The following PTPRD variants were observed in gnomAD, a reference collection of about 807,000 sequenced individuals.
PTPRD encodes the protein receptor-type tyrosine-protein phosphatase delta.
PTPRD carries 34 observed loss-of-function variants against 214.5 expected under a neutral mutation model. The ratio of observed to expected loss-of-function variants is 0.16; its 90% CI spans 0.12 to 0.21. PTPRD has a LOEUF of 0.21. Ranked by LOEUF, PTPRD falls within the 10% of genes least tolerant of loss-of-function variation. PTPRD has a pLI of 1.00. For missense variants in PTPRD, 2,545 were observed against 2,398.7 expected, an observed-to-expected ratio of 1.06 and a Z score of -1.27; for synonymous variants, 1,128 against 845.7, an observed-to-expected ratio of 1.33 and a Z score of -5.79.
At chr9:8,463,348 T>C (rs1254727610) in intron 32 of PTPRD, among the ~76,000 whole-genome samples, 6 of 145,256 alleles carry the variant, frequency 4.1e-5, no homozygotes, top group Non-Finnish European at 9.0e-5. Context: ...GTGTATGGTA[T>C]GAGGATTGAC....
intron 9 of PTPRD, among the ~76,000 whole-genome samples, chr9:9,378,868 G>T (rs898876144): frequency 1.3e-5 from 2 of 151,634 alleles, no homozygotes; most frequent in Non-Finnish European, 2.9e-5. Context: ...TCCTATTGTT[G>T]ATTTTTAAGT....
intron 10 of PTPRD, among the ~76,000 whole-genome samples, chr9:9,063,127 G>C (rs1175068370): frequency 6.6e-6 from 1 of 152,058 alleles, no homozygotes; most frequent in Non-Finnish European, 1.5e-5. Context: ...GGAGTCAAGA[G>C]ATCCCAACAT....
chr9:9,548,424 T>G (rs1278568044), intron 8 of PTPRD, among the ~76,000 whole-genome samples: 2 of 150,092 alleles, frequency 1.3e-5, no homozygotes, highest in Non-Finnish European at 3.0e-5. Context: ...TTTTTTTTTT[T>G]TAAGACGGAG....
In PTPRD at chr9:9,855,273, G is replaced by A. The variant is rs1372591755; in HGVS notation, c.-368+83234C>T. On this transcript the variant is annotated intron_variant, in intron 5 of 45. Transcript: ENST00000381196. The stretch of plus-strand genomic sequence containing the variant: ...AAAAAGGAAAAGCCAAAGGATCTAT[G>A]ACTTTCATTTATACAAAGCTTTGAA... Among the ~76,000 whole-genome samples, 5 of 152,164 alleles carry A rather than the reference G, an allele frequency of 3.3e-5. No individual in the cohort carries two copies. In the East Asian group the frequency reaches 9.6e-4, roughly 29 times the overall value.
chr9:9,809,490 T>C (rs2046467664), intron 5 of PTPRD, among the ~76,000 whole-genome samples: 1 of 152,032 alleles, frequency 6.6e-6, no homozygotes, highest in African/African-American at 2.4e-5. Context: ...GGTCTCTATC[T>C]CCTGACCTCG....
At chr9:10,458,018 C>A (rs559914790) in intron 2 of PTPRD, among the ~76,000 whole-genome samples, 2 of 151,834 alleles carry the variant, frequency 1.3e-5, no homozygotes, top group African/African-American at 2.4e-5. Context: ...AAATAGAAAG[C>A]CTGAACAGAC....
chr9:9,689,519 A>C (rs780570389), intron 7 of PTPRD, among the ~76,000 whole-genome samples: 2 of 151,766 alleles, frequency 1.3e-5, no homozygotes, highest in Non-Finnish European at 2.9e-5. Context: ...ACTATTTTGA[A>C]ATGTACTATA....
chr9:8,691,239 A>G (rs1041895746), intron 12 of PTPRD, among the ~76,000 whole-genome samples: 2 of 152,098 alleles, frequency 1.3e-5, no homozygotes, highest in Admixed American at 6.6e-5. Flanking sequence ...AAAAGAAATG[A>G]CATTTTGATT....
chr9:8,831,030 C>A (rs112273808), intron 11 of PTPRD, among the ~76,000 whole-genome samples: 141 of 152,234 alleles, frequency 9.3e-4, no homozygotes, highest in African/African-American at 3.2e-3. Context: ...TCCAGCTTCA[C>A]CTAAGATAGG....
chr9:8,997,318 C>T (rs543057535), intron 11 of PTPRD, among the ~76,000 whole-genome samples: 23 of 152,164 alleles, frequency 1.5e-4, no homozygotes, highest in South Asian at 2.1e-4. Flanking sequence ...GCAAGTCTAT[C>T]GACACCATTT....
intron 14 of PTPRD, among the ~76,000 whole-genome samples, chr9:8,597,397 C>T (rs118113063): frequency 1.1e-3 from 162 of 152,222 alleles, no homozygotes; most frequent in Non-Finnish European, 1.9e-3. Context: ...TTCAGTGCTA[C>T]TTTGGCTTTT....
At chr9:9,920,871 T>A (rs1405848244) in intron 5 of PTPRD, among the ~76,000 whole-genome samples, 1 of 152,134 alleles carries the variant, frequency 6.6e-6, no homozygotes, top group Non-Finnish European at 1.5e-5. Flanking sequence ...TGGGAGCCTA[T>A]AACGCAGGAT....
chr9:9,004,406 T>C (rs1376159542), intron 11 of PTPRD, among the ~76,000 whole-genome samples: 1 of 152,030 alleles, frequency 6.6e-6, no homozygotes, highest in African/African-American at 2.4e-5. Flanking sequence ...TATATAATCA[T>C]GTCAGTTTAA....
intron 23 of PTPRD, among the ~76,000 whole-genome samples, chr9:8,502,493 T>C (rs4595181): frequency 0.094 from 14,341 of 152,088 alleles, 747 homozygotes; most frequent in East Asian, 0.16. Flanking sequence ...AAGCTCTCTG[T>C]ACTGACAAAA....
chr9:9,659,490 T>G (rs2096582408), intron 7 of PTPRD, among the ~76,000 whole-genome samples: 1 of 152,058 alleles, frequency 6.6e-6, no homozygotes, highest in Admixed American at 6.6e-5. Context: ...TCAAATCAAT[T>G]AAGTCAGAAT....
At chr9:9,898,947 C>G (rs932157751) in intron 5 of PTPRD, among the ~76,000 whole-genome samples, 1 of 152,166 alleles carries the variant, frequency 6.6e-6, no homozygotes, top group East Asian at 1.9e-4. Context: ...AAAAACAAAG[C>G]TGTCTTTATT....
chr9:9,978,200 A>G (rs2154060099), intron 4 of PTPRD, among the ~76,000 whole-genome samples: 1 of 152,260 alleles, frequency 6.6e-6, no homozygotes, highest in Admixed American at 6.5e-5. Context: ...GTGAAAAGAG[A>G]TAAGATAATC....
At chr9:9,989,552 T>C (rs1254789580) in intron 4 of PTPRD, among the ~76,000 whole-genome samples, 3 of 152,082 alleles carry the variant, frequency 2.0e-5, no homozygotes, top group Admixed American at 1.3e-4. Flanking sequence ...CTAGCTCCCC[T>C]TCTTGCCGAG....
At chr9:10,142,026 G>T (rs1041872889) in intron 3 of PTPRD, among the ~76,000 whole-genome samples, 2 of 152,056 alleles carry the variant, frequency 1.3e-5, no homozygotes, top group African/African-American at 4.8e-5. Context: ...AATGGGGAAA[G>T]GATTCCCTAT....
Sources: gnomAD v4.1 joint callset for allele counts (sites outside exome capture counted in the v4.1 genomes callset) on GRCh38, gnomAD v4.1.1 for gene constraint, MANE v1.5 for transcripts, NCBI Gene and HGNC (gene_info 2026-07-23, HGNC 2026-07-21) for gene names.